Variants in ARHGAP39 observed in about 807,000 individuals in gnomAD.
The protein encoded by ARHGAP39 is rho GTPase-activating protein 39.
ARHGAP39 carries 44 observed loss-of-function variants against 106.9 expected under a neutral mutation model. That is an observed-to-expected ratio of 0.41 (90% CI 0.32 to 0.53). ARHGAP39 has a LOEUF of 0.53. ARHGAP39 is among the 20% of genes least tolerant of loss of function. The pLI is 0.21. For synonymous variants in ARHGAP39, 768 were observed against 693.2 expected (o/e 1.11, Z -1.69); for missense variants, 1,496 against 1,577.3 (o/e 0.95, Z 0.87).
intron 1 of ARHGAP39, among the ~76,000 whole-genome samples, chr8:144,618,358 A>G (rs1178201507): frequency 6.6e-6 from 1 of 152,176 alleles, no homozygotes; most frequent in Non-Finnish European, 1.5e-5. Flanking sequence ...GTAATCTCAC[A>G]TGAGCTTTTT....
At chr8:144,599,546 G>A (rs1306189981) in intron 2 of ARHGAP39, among the ~76,000 whole-genome samples, 1 of 152,198 alleles carries the variant, frequency 6.6e-6, no homozygotes, top group East Asian at 1.9e-4. Flanking sequence ...GGTGCAGAAA[G>A]GGCACGGGGA....
At chr8:144,618,203 C>G (rs986647476) in intron 1 of ARHGAP39, among the ~76,000 whole-genome samples, 1 of 152,218 alleles carries the variant, frequency 6.6e-6, no homozygotes, top group Non-Finnish European at 1.5e-5. Context: ...CATGGCAAAG[C>G]CCACCCGAGC....
Position 144,547,312 on chromosome 8 carries a change from G to A in ARHGAP39, c.1774C>T (p.Pro592Ser). ...ACCACCGGCCCGGGCATGGGCAGTG[G>A]CAGGGCGCCGTCGCTCTCGTAGCCA... is the stretch of plus-strand genomic sequence containing the variant. ...GSGYESDGAL[P>S]LPMPGPVVRA... is the part of the protein sequence containing the mutation. The change falls in exon 5 of 12, where the codon CCA becomes TCA. Residue 592 changes from proline to serine, a missense_variant. By Grantham distance (74) the Pro-to-Ser change is moderately conservative. Coordinates refer to ENST00000377307, the MANE Select transcript of ARHGAP39 (RefSeq NM_025251.3). This position sits in a 1 kb window ranked among gnomAD's most constrained non-coding sequence, Gnocchi z 5.2. The A allele has an allele frequency of 1.2e-6, 2 of 1,610,460 alleles. No homozygotes were observed. The highest frequency in any genetic ancestry group is 1.7e-6 in the Non-Finnish European group (2 of 1,179,184).
intron 1 of ARHGAP39, among the ~76,000 whole-genome samples, chr8:144,664,679 C>T (rs896988283): frequency 3.3e-5 from 5 of 152,296 alleles, no homozygotes; most frequent in East Asian, 3.9e-4. Flanking sequence ...ATAAGTCTCA[C>T]GAGATCTGAT....
intron 4 of ARHGAP39, among the ~76,000 whole-genome samples, chr8:144,552,741 T>A (rs1013848246): frequency 6.6e-6 from 1 of 152,126 alleles, no homozygotes; most frequent in South Asian, 2.1e-4. Context: ...GCTGAGGTAG[T>A]AGCACGCCTT....
chr8:144,534,810 C>T (rs569113013), intron 7 of ARHGAP39, among the ~76,000 whole-genome samples: 1 of 152,324 alleles, frequency 6.6e-6, no homozygotes, highest in East Asian at 1.9e-4. Context: ...AAACTCAGCC[C>T]GACAGCAGGG....
At chr8:144,557,683 A>C (rs866718282) in intron 3 of ARHGAP39, among the ~76,000 whole-genome samples, 10 of 149,390 alleles carry the variant, frequency 6.7e-5, no homozygotes, top group African/African-American at 2.5e-4. Context: ...CTGAACCTTC[A>C]TAGTATTCAG....
intron 3 of ARHGAP39, among the ~76,000 whole-genome samples, chr8:144,562,868 GAC>G (rs1818254029): frequency 6.6e-6 from 1 of 151,796 alleles, no homozygotes; most frequent in Non-Finnish European, 1.5e-5. Context: ...GGTTTCCACA[GAC>G]TAACTCCAGT....
upstream of ARHGAP39, among the ~76,000 whole-genome samples, chr8:144,689,328 C>T (rs1376294584): frequency 1.3e-5 from 2 of 151,666 alleles, no homozygotes; most frequent in African/African-American, 2.4e-5. Context: ...AGCTTCTCTG[C>T]GTTCTCACTA....
At chr8:144,545,127 G>C (rs1817354301) in intron 6 of ARHGAP39, 122 bp downstream of exon 6, 1 of 917,942 alleles carries the variant, frequency 1.1e-6, no homozygotes, top group Admixed American at 3.1e-5. Flanking sequence ...TGGGAGGTGT[G>C]TGTCGAACCA....
At chr8:144,565,606 T>C (rs919899309) in intron 3 of ARHGAP39, among the ~76,000 whole-genome samples, 2 of 151,620 alleles carry the variant, frequency 1.3e-5, no homozygotes, top group Non-Finnish European at 2.9e-5. Flanking sequence ...GGAGAATTGC[T>C]TGAACCCAGG....
chr8:144,582,392 G>A (rs1819028366), intron 2 of ARHGAP39, among the ~76,000 whole-genome samples: 1 of 152,232 alleles, frequency 6.6e-6, no homozygotes, highest in Admixed American at 6.5e-5. Flanking sequence ...GGCGGAGTCT[G>A]TCCCCGCCAC....
At chr8:144,656,624 T>C (rs1821704806) in intron 1 of ARHGAP39, among the ~76,000 whole-genome samples, 1 of 151,924 alleles carries the variant, frequency 6.6e-6, no homozygotes, top group Admixed American at 6.6e-5. Context: ...CTGGCCAACA[T>C]GGCAAAACCC....
In ARHGAP39 at chr8:144,646,462, CA is replaced by C. The variant is rs1197085627; in HGVS notation, c.-82+39223del. 6.6e-6 allele frequency among the ~76,000 whole-genome samples: 1 copy of C among 151,740 alleles called. No homozygotes were observed. The highest frequency in any genetic ancestry group is 1.5e-5 in the Non-Finnish European group (1 of 67,930). On this transcript the variant is annotated intron_variant, in intron 1 of 11. Transcript: ENST00000377307. This position sits in a 1 kb window ranked among gnomAD's most constrained non-coding sequence, Gnocchi z 5.7. ...AAAAAACTAAATTTTAAAAAATCAC[CA>C]AAAAAAGTGTGGAGAAAATAGAAAG...
rs1407449030 is a variant in ARHGAP39, at chr8:144,547,940, G to A, written c.1146C>T (p.Phe382=). Reference sequence around the variant, plus strand: ...CGGCGGGACTGTACTCCAGGCTCAGGAAGCGCTCGGGACACTTCTGCTTGG... The same window carrying A: ...CGGCGGGACTGTACTCCAGGCTCAGAAAGCGCTCGGGACACTTCTGCTTGG... ...VLTKQKCPER[F]LSLEYSPAGK... The change falls in exon 5 of 12, where the codon TTC becomes TTT. Residue 382 remains phenylalanine, a synonymous_variant. Coordinates refer to ENST00000377307, the MANE Select transcript of ARHGAP39 (RefSeq NM_025251.3). This position sits in a 1 kb window ranked among gnomAD's most constrained non-coding sequence, Gnocchi z 5.2. The A allele has an allele frequency of 2.5e-6, 4 of 1,595,006 alleles. No individual in the cohort carries two copies. In the African/African-American group the frequency reaches 4.0e-5, roughly 16 times the overall value.
chr8:144,649,184 C>T (rs1821515983), intron 1 of ARHGAP39, among the ~76,000 whole-genome samples: 1 of 152,152 alleles, frequency 6.6e-6, no homozygotes, highest in Non-Finnish European at 1.5e-5. Flanking sequence ...TGGCTCACGC[C>T]TATAATCCCA....
chr8:144,593,103 G>A (rs1819467654), intron 2 of ARHGAP39, among the ~76,000 whole-genome samples: 1 of 152,222 alleles, frequency 6.6e-6, no homozygotes, highest in South Asian at 2.1e-4. Context: ...GTACCCGGCG[G>A]GATGGGCCTC....
chr8:144,595,242 A>G (rs972893725), intron 2 of ARHGAP39, among the ~76,000 whole-genome samples: 1 of 152,208 alleles, frequency 6.6e-6, no homozygotes, highest in African/African-American at 2.4e-5. Flanking sequence ...CCATCCCTAC[A>G]CGGGAATATT....
intron 1 of ARHGAP39, among the ~76,000 whole-genome samples, chr8:144,654,950 C>A (rs1245951357): frequency 6.6e-6 from 1 of 152,224 alleles, no homozygotes; most frequent in African/African-American, 2.4e-5. Context: ...GGCACAGCTG[C>A]AGCCACCCAA....
Sources: gnomAD v4.1 joint callset for allele counts (sites outside exome capture counted in the v4.1 genomes callset) on GRCh38, gnomAD v4.1.1 for gene constraint, Gnocchi (gnomAD v3.1) non-coding constraint, MANE v1.5 for transcripts, NCBI Gene and HGNC (gene_info 2026-07-23, HGNC 2026-07-21) for gene names.